SV2B: variants seen among roughly 807,000 people sequenced by gnomAD.
SV2B encodes the protein synaptic vesicle glycoprotein 2B.
A neutral mutation model predicts 73.9 loss-of-function variants in SV2B; 41 were observed. That is an observed-to-expected ratio of 0.56 (90% confidence interval 0.43 to 0.72). The LOEUF is 0.72. Ranked by LOEUF, SV2B falls within the 30% of genes least tolerant of loss-of-function variation. The probability of loss-of-function intolerance (pLI) is 0.00; values close to 1 mark genes in which losing one functional copy is unlikely to be tolerated. For synonymous variants in SV2B, 314 were observed against 314.2 expected (o/e 1.00, Z 0.01); for missense variants, 764 against 857.8 (o/e 0.89, Z 1.37).
chr15:91,252,614 C>A lies in SV2B; in HGVS notation c.784+94C>A. 1 of 1,334,962 alleles carries A rather than the reference C, an allele frequency of 7.5e-7. No homozygotes were observed. Among genetic ancestry groups the A allele is most frequent in the Non-Finnish European group, 9.8e-7 (1 of 1,024,720 alleles). 82.7% of individuals were successfully genotyped at this position (1,334,962 alleles called of 1,614,324 possible). A position where few individuals can be genotyped will look rare whatever the true frequency, so the allele number is the denominator to read the frequency against. On this transcript the variant is annotated intron_variant, in intron 4 of 12. Transcript: ENST00000394232. The surrounding 1 kb of genome is among the most constrained non-coding windows in gnomAD (Gnocchi z 4.6). The stretch of plus-strand genomic sequence containing the variant: ...TGTCCTCAGCCTTATTCCATGTACT[C>A]ACGCACAGTTCCCGTACGTGACCTT...
At chr15:91,199,562 G>T (rs1370109424) in intron 1 of SV2B, among the ~76,000 whole-genome samples, 1 of 152,206 alleles carries the variant, frequency 6.6e-6, no homozygotes, top group Non-Finnish European at 1.5e-5. Flanking sequence ...GGGCATCTTG[G>T]GGCAGGGCAA....
intron 1 of SV2B, among the ~76,000 whole-genome samples, chr15:91,211,037 G>A (rs1408921655): frequency 6.6e-6 from 1 of 152,222 alleles, no homozygotes; most frequent in African/African-American, 2.4e-5. Flanking sequence ...ACACCCCTAG[G>A]GAGGGACGAC....
At chr15:91,179,054 A>C (rs879238471) in intron 1 of SV2B, among the ~76,000 whole-genome samples, 1 of 150,182 alleles carries the variant, frequency 6.7e-6, no homozygotes, top group South Asian at 2.2e-4. Flanking sequence ...CCCTCTACAC[A>C]CTGCTTTGAA....
chr15:91,276,642 A>G (rs2048497851), intron 9 of SV2B, among the ~76,000 whole-genome samples: 1 of 151,920 alleles, frequency 6.6e-6, no homozygotes, highest in Non-Finnish European at 1.5e-5. Flanking sequence ...TATTTAAAAC[A>G]ATTCTAGCGT....
Position 91,122,505 on chromosome 15 carries a change from C to T in SV2B, c.-392+22142C>T, listed in dbSNP as rs1057007833. Among the ~76,000 whole-genome samples, 1 of 152,238 alleles carries T rather than the reference C, an allele frequency of 6.6e-6. No homozygotes were observed. Among genetic ancestry groups the T allele is most frequent in the East Asian group, 1.9e-4 (1 of 5,198 alleles). On this transcript the variant is annotated intron_variant, in intron 1 of 12. Transcript: ENST00000394232. This position sits in a 1 kb window ranked among gnomAD's most constrained non-coding sequence, Gnocchi z 4.3. ...ATTTGGACACCTCACCCTGCTTCTC[C>T]TTCTCTGCCAACATGCATGCTGCAG...
chr15:91,167,280 A>C (rs538399570), intron 1 of SV2B, among the ~76,000 whole-genome samples: 1 of 152,112 alleles, frequency 6.6e-6, no homozygotes, highest in Non-Finnish European at 1.5e-5. Flanking sequence ...TTGAGAGCTA[A>C]TTATATTTTC....
chr15:91,271,194 C>T (rs1332006708), intron 9 of SV2B, among the ~76,000 whole-genome samples: 1 of 118,592 alleles, frequency 8.4e-6, no homozygotes, highest in African/African-American at 3.8e-5. Flanking sequence ...TTCAGGACCC[C>T]CTGAGGAACA....
At position 91,258,827 on chromosome 15, in the gene SV2B, G is replaced by A. The variant is rs1222704530; in HGVS notation, c.918+273G>A. 6.6e-6 allele frequency among the ~76,000 whole-genome samples: 1 copy of A among 151,900 alleles called. No individual in the cohort carries two copies. The highest frequency in any genetic ancestry group is 6.6e-5 in the Admixed American group (1 of 15,256). On this transcript the variant is annotated intron_variant, in intron 5 of 12. Transcript: ENST00000394232. This position sits in a 1 kb window ranked among gnomAD's most constrained non-coding sequence, Gnocchi z 4.7. The stretch of plus-strand genomic sequence containing the variant: ...TTCCCAAGGCTGTGCAGTGGTGGAA[G>A]GGCAGCTCCTGAGCTGCCTCATGGC...
At chr15:91,189,913 G>A (rs2044938524) in intron 1 of SV2B, among the ~76,000 whole-genome samples, 1 of 152,040 alleles carries the variant, frequency 6.6e-6, no homozygotes, top group Admixed American at 6.5e-5. Flanking sequence ...GCATGAACCC[G>A]GGAGGCGGAG....
intron 1 of SV2B, among the ~76,000 whole-genome samples, chr15:91,176,228 T>G (rs1485090983): frequency 6.6e-6 from 1 of 152,248 alleles, no homozygotes; most frequent in African/African-American, 2.4e-5. Context: ...CTCATCATTT[T>G]TTTATGGCTG....
chr15:91,172,012 A>C (rs991013041), intron 1 of SV2B, among the ~76,000 whole-genome samples: 3 of 152,124 alleles, frequency 2.0e-5, no homozygotes, highest in African/African-American at 7.2e-5. Flanking sequence ...AGAAATGTTG[A>C]TTATCATCAT....
rs143586195 is a variant in SV2B, at chr15:91,151,538, T to C, written c.-392+51175T>C. Among the ~76,000 whole-genome samples the C allele has an allele frequency of 1.7e-3, 254 of 152,368 alleles. 9 individuals carry two copies. The highest frequency in any genetic ancestry group is 0.013 in the Admixed American group (199 of 15,308). Reference sequence around the variant, plus strand: ...TGGAGGCTGCATGCCTGAAGGGCCATTGGACATCTCACCAAACACAGGGAA... The same window carrying C: ...TGGAGGCTGCATGCCTGAAGGGCCACTGGACATCTCACCAAACACAGGGAA... On this transcript the variant is annotated intron_variant, in intron 1 of 12. Coordinates refer to ENST00000394232, the MANE Select transcript of SV2B (RefSeq NM_001323032.3).
Position 91,106,303 on chromosome 15 carries a change from G to C in SV2B, c.-392+5940G>C, listed in dbSNP as rs745685745. 1.3e-5 allele frequency among the ~76,000 whole-genome samples: 2 copies of C among 152,162 alleles called. No homozygotes were observed. The highest frequency in any genetic ancestry group is 2.9e-5 in the Non-Finnish European group (2 of 68,022). ...GAGTTCAGGGAAGAGTTTCAGGAAG[G>C]AGACATAGGTTTGAGTATCATTAGC... On this transcript the variant is annotated intron_variant, in intron 1 of 12. Transcript: ENST00000394232. This position sits in a 1 kb window ranked among gnomAD's most constrained non-coding sequence, Gnocchi z 4.4.
At chr15:91,205,597 A>G (rs1321022931) in intron 1 of SV2B, among the ~76,000 whole-genome samples, 1 of 151,926 alleles carries the variant, frequency 6.6e-6, no homozygotes, top group Non-Finnish European at 1.5e-5. Flanking sequence ...AACTCTTGAT[A>G]TCAAGTGATC....
At chr15:91,228,995 G>C (rs117102896) in intron 2 of SV2B, among the ~76,000 whole-genome samples, 294 of 152,348 alleles carry the variant, frequency 1.9e-3, no homozygotes, top group Non-Finnish European at 3.6e-3. Context: ...CACATAGCTC[G>C]TAAGTGTTGA....
rs1241714797 is a variant in SV2B, at chr15:91,162,076, GCA to G, written c.-392+61716_-392+61717del. Among the ~76,000 whole-genome samples, 5 of 152,148 alleles carry G rather than the reference GCA, an allele frequency of 3.3e-5. No homozygotes were observed. In the East Asian group the frequency reaches 9.7e-4, roughly 29 times the overall value. ...AAACAATGAATTACCTTTTTTTTGG[GCA>G]CAGTTTCTAACATCTGATAATACAT... is the stretch of plus-strand genomic sequence containing the variant. On this transcript the variant is annotated intron_variant, in intron 1 of 12. Transcript: ENST00000394232.
At chr15:91,146,856 A>G (rs979547113) in intron 1 of SV2B, among the ~76,000 whole-genome samples, 3 of 152,234 alleles carry the variant, frequency 2.0e-5, no homozygotes, top group Non-Finnish European at 4.4e-5. Flanking sequence ...ACACCACACT[A>G]TAGTGACTGT....
chr15:91,107,125 T>G (rs1028668444), intron 1 of SV2B, among the ~76,000 whole-genome samples: 30 of 151,746 alleles, frequency 2.0e-4, no homozygotes, highest in Non-Finnish European at 2.2e-4. Context: ...AATGTGCCAG[T>G]GGCGGAGAAA....
rs373685817 is a variant in SV2B at position 91,224,203 on chromosome 15, A to G, written c.-391-1670A>G. 7.2e-5 allele frequency among the ~76,000 whole-genome samples: 11 copies of G among 152,310 alleles called. No homozygotes were observed. The highest frequency in any genetic ancestry group is 2.2e-4 in the African/African-American group (9 of 41,564). On this transcript the variant is annotated intron_variant, in intron 1 of 12. Coordinates refer to ENST00000394232, the MANE Select transcript of SV2B (RefSeq NM_001323032.3). The surrounding 1 kb of genome is among the most constrained non-coding windows in gnomAD (Gnocchi z 4.9). Reference sequence around the variant, plus strand: ...GCCATGGTGAGGACAAATGTATCCAATCCTTTGTGAGGTGACATCTGCTGA... The same window carrying G: ...GCCATGGTGAGGACAAATGTATCCAGTCCTTTGTGAGGTGACATCTGCTGA...
Sources: gnomAD v4.1 joint callset for allele counts (sites outside exome capture counted in the v4.1 genomes callset) on GRCh38, gnomAD v4.1.1 for gene constraint, Gnocchi (gnomAD v3.1) non-coding constraint, MANE v1.5 for transcripts, NCBI Gene and HGNC (gene_info 2026-07-23, HGNC 2026-07-21) for gene names.